The following SOCS6 variants were observed in gnomAD, a reference collection of about 807,000 sequenced individuals.
SOCS6 encodes the protein STAT induced STAT inhibitor-4.
In SOCS6, 5 loss-of-function variants were observed where a neutral mutation model predicts 27.7. The ratio of observed to expected loss-of-function variants is 0.18; its 90% CI spans 0.09 to 0.38. The LOEUF (loss-of-function observed/expected upper bound fraction) is 0.38. SOCS6 is among the 10% of genes least tolerant of loss of function. The pLI is 1.00. For synonymous variants in SOCS6, 271 were observed against 260.0 expected, an observed-to-expected ratio of 1.04 and a Z score of -0.41; for missense variants, 595 against 688.1, an observed-to-expected ratio of 0.86 and a Z score of 1.51.
At chr18:70,304,462 C>G (rs9950023) in intron 1 of SOCS6, among the ~76,000 whole-genome samples, 52,444 of 152,000 alleles carry the variant, frequency 0.35, 9,807 homozygotes, top group East Asian at 0.73. Flanking sequence ...CTGCATCCCT[C>G]CCTTTGTCAT....
At chr18:70,306,427 G>A (rs2146274295) in intron 1 of SOCS6, among the ~76,000 whole-genome samples, 1 of 142,914 alleles carries the variant, frequency 7.0e-6, no homozygotes, top group African/African-American at 2.6e-5. Context: ...AGATTGCAGT[G>A]AGCTGAGATC....
rs543881528 is a variant in SOCS6, at chr18:70,309,243, A to G, written c.-126-15300A>G. Among the ~76,000 whole-genome samples, 86 of 152,250 alleles carry G rather than the reference A, an allele frequency of 5.6e-4. 1 individual carries two copies. The highest frequency in any genetic ancestry group is 2.0e-3 in the African/African-American group (84 of 41,552). On this transcript the variant is annotated intron_variant, in intron 1 of 1. Coordinates refer to ENST00000397942, the MANE Select transcript of SOCS6 (RefSeq NM_004232.4). ...TTTGTCACTTTTTTGTTTTTTTATCATTAAATAATAAAAAAACTTTTTAGC... is the reference window on the plus strand; with the variant it reads ...TTTGTCACTTTTTTGTTTTTTTATCGTTAAATAATAAAAAAACTTTTTAGC...
At position 70,324,077 on chromosome 18, in the gene SOCS6, C is replaced by T. The variant is rs536134726; in HGVS notation, c.-126-466C>T. ...CAGCACTTTGGGAGGCCGAGGCGGG[C>T]GGATCATAAGGTCAAGAGATCGAGA... On this transcript the variant is annotated intron_variant, in intron 1 of 1. Coordinates refer to ENST00000397942, the MANE Select transcript of SOCS6 (RefSeq NM_004232.4). Among the ~76,000 whole-genome samples the T allele has an allele frequency of 7.8e-4, 119 of 152,142 alleles. No individual in the cohort carries two copies. The Middle Eastern group carries it at 0.01, about 13-fold the overall frequency.
chr18:70,294,250 C>T (rs1308961273), intron 1 of SOCS6, among the ~76,000 whole-genome samples: 1 of 151,934 alleles, frequency 6.6e-6, no homozygotes, highest in Non-Finnish European at 1.5e-5. Flanking sequence ...AGTAATAATT[C>T]CTATTTAAAG....
At chr18:70,319,692 A>G (rs1910905043) in intron 1 of SOCS6, among the ~76,000 whole-genome samples, 1 of 151,746 alleles carries the variant, frequency 6.6e-6, no homozygotes, top group South Asian at 2.1e-4. Flanking sequence ...TGAAATCTTC[A>G]CCCTGAGCTT....
chr18:70,291,940 TTGAAG>T (rs1381826906), intron 1 of SOCS6, among the ~76,000 whole-genome samples: 4 of 152,232 alleles, frequency 2.6e-5, no homozygotes, highest in Admixed American at 6.5e-5. Context: ...TGATATTGTT[TTGAAG>T]TGAAATTGTC....
rs1300452959 is a variant in SOCS6, at chr18:70,326,245, T to A, written c.1577T>A (p.Met526Lys). The change falls in exon 2 of 2, where the codon ATG becomes AAG. Residue 526 changes from methionine (M) to lysine (K), a missense_variant. By Grantham distance (95) the Met-to-Lys change is moderately conservative. Transcript: ENST00000397942. ...LIQKLPLPNK[M>K]KDYLQEKHY ...CAGAAACTGCCTTTGCCAAACAAAA[T>A]GAAGGATTATTTACAGGAGAAGCAC... is the stretch of plus-strand genomic sequence containing the variant. 1 of 1,613,822 alleles carries A rather than the reference T, an allele frequency of 6.2e-7. No homozygotes were observed.
At chr18:70,322,608 G>T (rs1047779508) in intron 1 of SOCS6, among the ~76,000 whole-genome samples, 2 of 152,096 alleles carry the variant, frequency 1.3e-5, no homozygotes, top group African/African-American at 4.8e-5. Context: ...CATTATGCTT[G>T]GGTAGAAGAC....
intron 1 of SOCS6, among the ~76,000 whole-genome samples, chr18:70,317,140 G>A (rs1000112514): frequency 3.9e-5 from 6 of 151,984 alleles, no homozygotes; most frequent in Non-Finnish European, 8.8e-5. Flanking sequence ...CTGAGATTTG[G>A]GTTCAGCCAT....
At chr18:70,289,773 C>T (rs1022621950) in intron 1 of SOCS6, among the ~76,000 whole-genome samples, 8 of 152,116 alleles carry the variant, frequency 5.3e-5, no homozygotes, top group African/African-American at 7.2e-5. Flanking sequence ...CGCACTCACC[C>T]GGGTGTAGGG....
At position 70,326,494 on chromosome 18, in the gene SOCS6, G is replaced by A. The variant is rs1157662461; in HGVS notation, c.*218G>A. The A allele has an allele frequency of 1.3e-5, 7 of 545,224 alleles. No homozygotes were observed. Among genetic ancestry groups the A allele is most frequent in the Non-Finnish European group, 2.3e-5 (7 of 301,552 alleles). 33.8% of individuals were successfully genotyped at this position (545,224 alleles called of 1,614,324 possible). On this transcript the variant is annotated 3_prime_UTR_variant, in exon 2 of 2. Coordinates refer to ENST00000397942, the MANE Select transcript of SOCS6 (RefSeq NM_004232.4). Reference sequence around the variant, plus strand: ...AAAGGGAAGTCTTGAGGTTTTAGAGGTGTGAATTATGTTTCATCAATGTGC... The same window carrying A: ...AAAGGGAAGTCTTGAGGTTTTAGAGATGTGAATTATGTTTCATCAATGTGC...
At chr18:70,312,771 A>ATTTTTTTT (rs375997089) in intron 1 of SOCS6, among the ~76,000 whole-genome samples, 2 of 121,962 alleles carry the variant, frequency 1.6e-5, no homozygotes, top group Admixed American at 1.0e-4. Flanking sequence ...AATTCTTTGG[A>ATTTTTTTT]TTTTTTTTTT....
intron 1 of SOCS6, among the ~76,000 whole-genome samples, chr18:70,300,284 A>G (rs573932245): frequency 1.3e-5 from 2 of 152,016 alleles, no homozygotes; most frequent in East Asian, 3.9e-4. Flanking sequence ...CCACCACCAC[A>G]CCTGGTTAGT....
At chr18:70,308,718 CT>C (rs1444016149) in intron 1 of SOCS6, among the ~76,000 whole-genome samples, 1 of 152,114 alleles carries the variant, frequency 6.6e-6, no homozygotes, top group Non-Finnish European at 1.5e-5. Context: ...TTCTCTCAGG[CT>C]TTGCTTTATG....
chr18:70,327,816 A>G lies in SOCS6; in HGVS notation c.*1540A>G, dbSNP rs1168516047. 1.2e-5 allele frequency: 2 copies of G among 166,784 alleles called. No individual in the cohort carries two copies. The highest frequency in any genetic ancestry group is 2.1e-4 in the South Asian group (1 of 4,824). 10.3% of individuals were successfully genotyped at this position (166,784 alleles called of 1,614,324 possible). A position where few individuals can be genotyped will look rare whatever the true frequency, so the allele number is the denominator to read the frequency against. ...TTGTCACTTAAAGGAAGAGATAGGA[A>G]AAGTCTCTTACCCACTTTAAACATG... On this transcript the variant is annotated 3_prime_UTR_variant, in exon 2 of 2. Transcript: ENST00000397942.
At chr18:70,295,606 G>A (rs1426327335) in intron 1 of SOCS6, among the ~76,000 whole-genome samples, 1 of 152,160 alleles carries the variant, frequency 6.6e-6, no homozygotes, top group Non-Finnish European at 1.5e-5. Context: ...AAAAAGAAAA[G>A]TGACATATTT....
intron 1 of SOCS6, among the ~76,000 whole-genome samples, chr18:70,296,351 G>C (rs2062322702): frequency 1.3e-5 from 2 of 152,210 alleles, no homozygotes. Flanking sequence ...ATAGAGGTCT[G>C]TGTCTTGCTT....
chr18:70,313,370 G>A (rs977314770), intron 1 of SOCS6, among the ~76,000 whole-genome samples: 1 of 151,706 alleles, frequency 6.6e-6, no homozygotes, highest in East Asian at 1.9e-4. Context: ...CCATTTTTTG[G>A]TTATCAAGAA....
At chr18:70,304,094 A>C (rs1219495377) in intron 1 of SOCS6, among the ~76,000 whole-genome samples, 1 of 152,232 alleles carries the variant, frequency 6.6e-6, no homozygotes, top group African/African-American at 2.4e-5. Flanking sequence ...TCTCAATGTC[A>C]GATGAATTTT....
Sources: gnomAD v4.1 joint callset for allele counts (sites outside exome capture counted in the v4.1 genomes callset) on GRCh38, gnomAD v4.1.1 for gene constraint, MANE v1.5 for transcripts, NCBI Gene and HGNC (gene_info 2026-07-23, HGNC 2026-07-21) for gene names.